BRD8: variants seen among roughly 807,000 people sequenced by gnomAD.
BRD8 encodes bromodomain containing 8.
A neutral mutation model predicts 143.1 loss-of-function variants in BRD8; 67 were observed. The observed-to-expected ratio is 0.47, with a 90% CI of 0.38 to 0.57. The LOEUF (loss-of-function observed/expected upper bound fraction) is 0.57, where lower values mean the gene tolerates loss of function less well. BRD8 is among the 20% of genes least tolerant of loss of function. The pLI is 0.00. For synonymous variants in BRD8, 505 were observed against 517.1 expected (o/e 0.98, Z 0.32); for missense variants, 1,103 against 1,503.0 (o/e 0.73, Z 4.40).
chr5:138,145,112 G>A (rs1409854890), intron 25 of BRD8, 65 bp downstream of exon 25: 6 of 1,452,154 alleles, frequency 4.1e-6, no homozygotes, highest in Non-Finnish European at 5.7e-6. Context: ...CTAACAGATG[G>A]GAAATAAAAA....
chr5:138,174,915 C>T (rs1754194289), intron 2 of BRD8, among the ~76,000 whole-genome samples: 2 of 140,034 alleles, frequency 1.4e-5, no homozygotes, highest in South Asian at 4.4e-4. Flanking sequence ...TTTGAGATGG[C>T]GTCTTGCTCT....
chr5:138,172,176 C>CAAT, intron 2 of BRD8, 42 bp from the exon 3 acceptor site: 1 of 1,498,102 alleles, frequency 6.7e-7, no homozygotes, highest in Non-Finnish European at 9.3e-7. Context: ...AAGCAGAAAA[C>CAAT]AATAGGAGAG....
rs774023345 is a variant in BRD8, at chr5:138,165,903, A to G, written c.1203T>C (p.Asp401=). The part of the protein sequence containing the change: ...KEELDLAEKM[D]IAVSYTGEEL... ...CTTCACCTGTGTAAGACACAGCAATATCCATCTTCTCAGCCAGATCTAATT... is the reference window on the plus strand; with the variant it reads ...CTTCACCTGTGTAAGACACAGCAATGTCCATCTTCTCAGCCAGATCTAATT... Residue 401 remains aspartate (D), a synonymous_variant, in exon 11 of 27, where the codon GAT becomes GAC. Coordinates refer to ENST00000254900, the MANE Select transcript of BRD8 (RefSeq NM_139199.2). 8.1e-6 allele frequency: 13 copies of G among 1,614,046 alleles called. No individual in the cohort carries two copies. Among genetic ancestry groups the G allele is most frequent in the Middle Eastern group, 3.3e-4 (2 of 6,084 alleles).
At chr5:138,154,978 C>T (rs890916060) in intron 20 of BRD8, among the ~76,000 whole-genome samples, 3 of 151,858 alleles carry the variant, frequency 2.0e-5, no homozygotes, top group African/African-American at 7.3e-5. Flanking sequence ...TACAGGCGCC[C>T]ACCACCATGC....
rs200520919 is a variant in BRD8 at position 138,170,386 on chromosome 5, T to C, written c.464A>G (p.Glu155Gly). 1 of 1,614,134 alleles carries C rather than the reference T, an allele frequency of 6.2e-7. No homozygotes were observed. Among genetic ancestry groups the C allele is most frequent in the Non-Finnish European group, 8.5e-7 (1 of 1,179,986 alleles). Reference protein sequence around the residue: ...IATKKKLEEEEAEVKRKATDA... With the variant: ...IATKKKLEEEGAEVKRKATDA... ...TGTAGCCTTCCTCTTTACTTCAGCC[T>C]CCTCTTCTTCCAATTTCTTTTTCCT... Residue 155 changes from glutamate (E) to glycine (G), a missense_variant, in exon 7 of 27, where the codon GAG becomes GGG. Transcript: ENST00000254900.
At chr5:138,168,415 C>G (rs573123716) in intron 8 of BRD8, 1 of 1,238,662 alleles carries the variant, frequency 8.1e-7, no homozygotes, top group African/African-American at 1.5e-5. Context: ...CCCAGGCACT[C>G]CCTTCCAAGT....
In BRD8 at chr5:138,152,554, A is replaced by G. The variant is rs1752416617; in HGVS notation, c.2784T>C (p.Asp928=). ...CTTCCTGAGATTCCTCACTGCCTCC[A>G]TCCCCAACAAGCAGTTCACTAGGTT... is the stretch of plus-strand genomic sequence containing the variant. The part of the protein sequence containing the change: ...EREPSELLVG[D]GGSEESQEAA... The change falls in exon 21 of 27, where the codon GAT becomes GAC. Residue 928 remains aspartate, a synonymous_variant. Transcript: ENST00000254900. 2.5e-6 allele frequency: 4 copies of G among 1,614,044 alleles called. No homozygotes were observed. Among genetic ancestry groups the G allele is most frequent in the African/African-American group, 1.3e-5 (1 of 74,910 alleles).
chr5:138,168,425 T>C, intron 8 of BRD8: 1 of 1,362,330 alleles, frequency 7.3e-7, no homozygotes, highest in East Asian at 2.3e-5. Flanking sequence ...CCCTTCCAAG[T>C]ACTAAATCAC....
intron 11 of BRD8, 97 bp downstream of exon 11, chr5:138,165,724 TCCAAAAA>T: frequency 1.8e-6 from 2 of 1,101,980 alleles, no homozygotes; most frequent in African/African-American, 4.2e-5. Context: ...AGACTCTGTC[TCCAAAAA>T]AAAAAAAAAA....
chr5:138,170,450 C>G, intron 6 of BRD8, 41 bp from the exon 7 acceptor site: 1 of 1,610,840 alleles, frequency 6.2e-7, no homozygotes, highest in Non-Finnish European at 8.5e-7. Context: ...ACAGCTCTGG[C>G]TCCTCCCCAG....
chr5:138,166,087 A>T lies in BRD8; in HGVS notation c.1019T>A (p.Val340Asp), dbSNP rs779903751. The T allele has an allele frequency of 3.1e-6, 5 of 1,613,460 alleles. No homozygotes were observed. The East Asian group carries it at 1.1e-4, about 36-fold the overall frequency. Residue 340 changes from valine to aspartate, a missense_variant, in exon 11 of 27, where the codon GTT becomes GAT. This residue lies in a region of BRD8 where 334 missense variants were observed against 372.5 expected (regional missense o/e 0.90). Coordinates refer to ENST00000254900, the MANE Select transcript of BRD8 (RefSeq NM_139199.2). ...VAPVSQPDNC[V>D]PMEAVGDPHT... Reference sequence around the variant, plus strand: ...TGGATCCCCCACAGCCTCCATGGGAACACAGTTGTCGGGTTGACTCACTGA... The same window carrying T: ...TGGATCCCCCACAGCCTCCATGGGATCACAGTTGTCGGGTTGACTCACTGA...
Position 138,169,307 on chromosome 5 carries a change from C to T in BRD8, c.557G>A (p.Arg186His), listed in dbSNP as rs555229577. 8 of 1,614,094 alleles carry T rather than the reference C, an allele frequency of 5.0e-6. No individual in the cohort carries two copies. The highest frequency in any genetic ancestry group is 4.4e-5 in the South Asian group (4 of 91,070). The change falls in exon 8 of 27, where the codon CGC (arginine) becomes CAC (histidine). Residue 186 changes from arginine to histidine, a missense_variant. Arg to His is a conservative substitution (Grantham distance 29). This residue lies in a region of BRD8 where 334 missense variants were observed against 372.5 expected (regional missense o/e 0.90). Transcript: ENST00000254900. Reference protein sequence around the residue: ...PPRRLPTVMVRSPIDSASPGG... With the variant: ...PPRRLPTVMVHSPIDSASPGG... The stretch of plus-strand genomic sequence containing the variant: ...TGGGGAGGCAGAATCTATAGGAGAG[C>T]GAACCATCACAGTGGGTAACCTCCG...
At chr5:138,146,507 C>T (rs1390783666) in intron 23 of BRD8, among the ~76,000 whole-genome samples, 6 of 151,902 alleles carry the variant, frequency 3.9e-5, no homozygotes, top group Non-Finnish European at 8.8e-5. Context: ...AGGCACATGC[C>T]ACCACGCCCT....
At position 138,145,880 on chromosome 5, in the gene BRD8, T is replaced by G; in HGVS notation, c.3279-2A>C. The G allele has an allele frequency of 6.2e-7, 1 of 1,612,116 alleles. No homozygotes were observed. Among genetic ancestry groups the G allele is most frequent in the Non-Finnish European group, 8.5e-7 (1 of 1,178,350 alleles). ...GGGTCATCCTGGCTTAGATCAGTCC[T>G]ATGAGGATAAAACATGAAGAAAAGA... On this transcript the variant is annotated splice_acceptor_variant, in intron 23 of 26. Transcript: ENST00000254900. LOFTEE classifies it high-confidence loss of function.
At chr5:138,171,809 T>C (rs1374831786) in intron 3 of BRD8, among the ~76,000 whole-genome samples, 1 of 152,104 alleles carries the variant, frequency 6.6e-6, no homozygotes, top group Non-Finnish European at 1.5e-5. Flanking sequence ...TGGCCCAAAG[T>C]TTTTAGATGG....
At chr5:138,147,301 T>C (rs554914444) in intron 23 of BRD8, among the ~76,000 whole-genome samples, 1 of 143,412 alleles carries the variant, frequency 7.0e-6, no homozygotes, top group African/African-American at 2.5e-5. Context: ...CTTCAAAAAA[T>C]ATATATATAT....
At chr5:138,153,295 T>A (rs1367407417) in intron 20 of BRD8, among the ~76,000 whole-genome samples, 1 of 152,212 alleles carries the variant, frequency 6.6e-6, no homozygotes, top group Non-Finnish European at 1.5e-5. Flanking sequence ...TTAAAATATA[T>A]CTTCCCTTGC....
intron 23 of BRD8, among the ~76,000 whole-genome samples, chr5:138,149,375 T>TCC (rs1399009012): frequency 6.6e-6 from 1 of 152,086 alleles, no homozygotes; most frequent in Non-Finnish European, 1.5e-5. Context: ...TGCCTTGGCC[T>TCC]CCCAAAGTGC....
At chr5:138,169,507 C>G in intron 7 of BRD8, 149 bp from the exon 8 acceptor site, 2 of 835,624 alleles carry the variant, frequency 2.4e-6, no homozygotes, top group Non-Finnish European at 1.8e-6. Flanking sequence ...TTTAACACTT[C>G]TAGAGATGGA....
Sources: gnomAD v4.1 joint callset for allele counts (sites outside exome capture counted in the v4.1 genomes callset) on GRCh38, gnomAD v4.1.1 for gene constraint, gnomAD v4.1.1 regional missense constraint, MANE v1.5 for transcripts, NCBI Gene and HGNC (gene_info 2026-07-23, HGNC 2026-07-21) for gene names.